Variants in CCDC73 observed in about 807,000 individuals in gnomAD.
The protein encoded by CCDC73 is coiled-coil domain-containing protein 73.
Under a neutral mutation model 116.5 loss-of-function variants are expected in CCDC73, and 95 were observed. That is an observed-to-expected ratio of 0.82 (90% confidence interval 0.69 to 0.97). The LOEUF is 0.97. Ranked by LOEUF, CCDC73 falls within the 50% of genes least tolerant of loss-of-function variation. The probability of loss-of-function intolerance (pLI) is 0.00; values close to 1 mark genes in which losing one functional copy is unlikely to be tolerated. For synonymous variants in CCDC73, 398 were observed against 401.3 expected (o/e 0.99, Z 0.10); for missense variants, 1,066 against 1,206.8 (o/e 0.88, Z 1.73).
intron 6 of CCDC73, among the ~76,000 whole-genome samples, chr11:32,697,863 G>C (rs1434740348): frequency 6.6e-6 from 1 of 151,522 alleles, no homozygotes; most frequent in Admixed American, 6.6e-5. Flanking sequence ...TAGGTAAATT[G>C]CGTGTCACGG....
intron 2 of CCDC73, among the ~76,000 whole-genome samples, chr11:32,735,968 T>C (rs1850125934): frequency 6.6e-6 from 1 of 152,166 alleles, no homozygotes; most frequent in Admixed American, 6.5e-5. Flanking sequence ...TGTAGAAAAC[T>C]GAAACTGGAT....
At chr11:32,798,370 T>A (rs1280934211), upstream of CCDC73, among the ~76,000 whole-genome samples, 1 of 152,252 alleles carries the variant, frequency 6.6e-6, no homozygotes, top group Non-Finnish European at 1.5e-5. Context: ...CACCACTAAC[T>A]GCAACCTCAA....
chr11:32,700,021 G>A (rs1461891020), intron 5 of CCDC73, among the ~76,000 whole-genome samples: 1 of 151,108 alleles, frequency 6.6e-6, no homozygotes, highest in Non-Finnish European at 1.5e-5. Flanking sequence ...GCCTTTATAT[G>A]GTTACAATTA....
intron 2 of CCDC73, among the ~76,000 whole-genome samples, chr11:32,731,997 C>T (rs1272681834): frequency 3.9e-5 from 6 of 151,996 alleles, no homozygotes; most frequent in Non-Finnish European, 5.9e-5. Flanking sequence ...TCGAACCCAT[C>T]GCAAAGAAGC....
At chr11:32,651,619 G>C (rs1041539248) in intron 12 of CCDC73, among the ~76,000 whole-genome samples, 8 of 152,208 alleles carry the variant, frequency 5.3e-5, no homozygotes, top group African/African-American at 1.7e-4. Context: ...CCTAGCACAT[G>C]CTCCATTACC....
At chr11:32,719,812 G>A (rs1357936063) in intron 2 of CCDC73, among the ~76,000 whole-genome samples, 3 of 152,032 alleles carry the variant, frequency 2.0e-5, no homozygotes, top group Non-Finnish European at 2.9e-5. Flanking sequence ...TAGAGAAATT[G>A]GCCAATGTCT....
At position 32,683,737 on chromosome 11, in the gene CCDC73, T is replaced by C. The variant is rs374849747; in HGVS notation, c.391-163A>G. On this transcript the variant is annotated intron_variant, in intron 6 of 17. Transcript: ENST00000335185. ...TGGCACCTACTATATGCTAGATACT[T>C]TCCTAGACTCCTGGAATATAGCAGT... Among the ~76,000 whole-genome samples, 7 of 152,326 alleles carry C rather than the reference T, an allele frequency of 4.6e-5. No individual in the cohort carries two copies. In the South Asian group the frequency reaches 1.0e-3, roughly 23 times the overall value.
At chr11:32,724,965 G>A (rs1044400079) in intron 2 of CCDC73, among the ~76,000 whole-genome samples, 3 of 151,984 alleles carry the variant, frequency 2.0e-5, no homozygotes, top group Admixed American at 6.6e-5. Flanking sequence ...CTGTTAATTT[G>A]TAAATCATTA....
intron 6 of CCDC73, among the ~76,000 whole-genome samples, chr11:32,691,349 A>T (rs115423002): frequency 0.05 from 7,562 of 151,488 alleles, 208 homozygotes; most frequent in African/African-American, 0.071. Context: ...CCTGGCCTCA[A>T]CCACTTATTT....
At chr11:32,749,354 GA>G (rs1850266961) in intron 2 of CCDC73, among the ~76,000 whole-genome samples, 1 of 151,678 alleles carries the variant, frequency 6.6e-6, no homozygotes, top group Non-Finnish European at 1.5e-5. Flanking sequence ...TTCAATTCCA[GA>G]ATTTCTGCTT....
At chr11:32,699,524 T>C (rs2133313010) in intron 5 of CCDC73, among the ~76,000 whole-genome samples, 199 bp from the exon 6 acceptor site, 1 of 152,274 alleles carries the variant, frequency 6.6e-6, no homozygotes, top group Non-Finnish European at 1.5e-5. Context: ...ATGTGGCACA[T>C]ATACACCATG....
In CCDC73 at chr11:32,614,863, G is replaced by A. The variant is rs779363003; in HGVS notation, c.1455C>T (p.Ser485=). The A allele has an allele frequency of 1.2e-6, 2 of 1,612,410 alleles. No homozygotes were observed. The highest frequency in any genetic ancestry group is 2.2e-5 in the South Asian group (2 of 90,896). The change falls in exon 16 of 18, where the codon TCC becomes TCT. Residue 485 remains serine, a synonymous_variant. Transcript: ENST00000335185. ...VSQDENQSEI[S]LSKTLSLDKE... The stretch of plus-strand genomic sequence containing the variant: ...TATCTAAGGAGAGGGTTTTGCTTAA[G>A]GAGATTTCACTTTGATTTTCATCCT...
In CCDC73 at chr11:32,747,530, A is replaced by G. The variant is rs1412374862; in HGVS notation, c.135+12579T>C. Among the ~76,000 whole-genome samples, 3 of 152,330 alleles carry G rather than the reference A, an allele frequency of 2.0e-5. No homozygotes were observed. In the East Asian group the frequency reaches 5.8e-4, roughly 29 times the overall value. ...GCCTTTTGTTCAGATATGCCCTGCC[A>G]CCAGAGGTGGAATCTAGAGAGGCAG... On this transcript the variant is annotated intron_variant, in intron 2 of 17. Coordinates refer to ENST00000335185, the MANE Select transcript of CCDC73 (RefSeq NM_001008391.4).
intron 3 of CCDC73, among the ~76,000 whole-genome samples, chr11:32,712,493 T>C (rs1849908604): frequency 1.3e-5 from 2 of 152,070 alleles, no homozygotes; most frequent in South Asian, 2.1e-4. Flanking sequence ...CCACAACATA[T>C]ACATACACAG....
chr11:32,681,778 G>C (rs1001055261), intron 7 of CCDC73: 1 of 151,496 alleles, frequency 6.6e-6, no homozygotes, highest in African/African-American at 2.4e-5. Context: ...ATACTATACC[G>C]CACTTTGAAT....
At chr11:32,603,759 C>G (rs1347207559) in intron 17 of CCDC73, 3 of 152,132 alleles carry the variant, frequency 2.0e-5, no homozygotes, top group African/African-American at 7.2e-5. Flanking sequence ...TTGAGAGATT[C>G]CCAGATAAAA....
intron 9 of CCDC73, among the ~76,000 whole-genome samples, chr11:32,673,825 C>A (rs1161285792): frequency 1.3e-5 from 2 of 152,182 alleles, no homozygotes; most frequent in Non-Finnish European, 2.9e-5. Context: ...GGCTCAAGTT[C>A]CACTGACTAG....
At chr11:32,606,188 C>G (rs1855349252) in intron 17 of CCDC73, 1 of 152,144 alleles carries the variant, frequency 6.6e-6, no homozygotes, top group South Asian at 2.1e-4. Flanking sequence ...TACTTAATAC[C>G]TTCCCTGAAT....
At chr11:32,627,736 C>A (rs1386559330) in intron 14 of CCDC73, among the ~76,000 whole-genome samples, 1 of 152,070 alleles carries the variant, frequency 6.6e-6, no homozygotes, top group Non-Finnish European at 1.5e-5. Flanking sequence ...AACCAAACAC[C>A]GCATGTTCTC....
Sources: gnomAD v4.1 joint callset for allele counts (sites outside exome capture counted in the v4.1 genomes callset) on GRCh38, gnomAD v4.1.1 for gene constraint, MANE v1.5 for transcripts, NCBI Gene and HGNC (gene_info 2026-07-23, HGNC 2026-07-21) for gene names.